ABCA1: variants seen among roughly 807,000 people sequenced by gnomAD.
ABCA1 encodes the protein ATP binding cassette subfamily A member 1, also known as phospholipid-transporting ATPase ABCA1.
A neutral mutation model predicts 262.5 loss-of-function variants in ABCA1; 133 were observed. That is an observed-to-expected ratio of 0.51 (90% CI 0.44 to 0.59). The LOEUF (loss-of-function observed/expected upper bound fraction) is 0.59, where lower values mean the gene tolerates loss of function less well. Among genes scored for constraint, ABCA1 ranks in the 20% least tolerant of loss-of-function variants. ABCA1 has a pLI of 0.00. For synonymous variants in ABCA1, 1,022 were observed against 1,043.5 expected, an observed-to-expected ratio of 0.98 and a Z score of 0.40; for missense variants, 2,452 against 2,777.5, an observed-to-expected ratio of 0.88 and a Z score of 2.63.
chr9:104,799,554 A>G, intron 36 of ABCA1: 2 of 983,002 alleles, frequency 2.0e-6, no homozygotes, highest in Non-Finnish European at 2.4e-6. Context: ...TAATTTAATT[A>G]ACAATTTTTG....
At chr9:104,787,814 G>A (rs1829055798) in intron 46 of ABCA1, 106 bp downstream of exon 46, 1 of 1,610,722 alleles carries the variant, frequency 6.2e-7, no homozygotes, top group African/African-American at 1.3e-5. Context: ...TGTCCCTGGG[G>A]GAAGACAAGC....
intron 1 of ABCA1, among the ~76,000 whole-genome samples, chr9:104,920,279 A>G (rs975959029): frequency 5.3e-5 from 8 of 152,212 alleles, no homozygotes; most frequent in Non-Finnish European, 1.0e-4. Context: ...GAAGTCAACA[A>G]TCTCTTCCCC....
In ABCA1 at chr9:104,916,554, G is replaced by A. The variant is rs75684347; in HGVS notation, c.-93+11381C>T. Among the ~76,000 whole-genome samples the A allele has an allele frequency of 3.6e-3, 555 of 152,250 alleles. 2 individuals carry two copies. Among genetic ancestry groups the A allele is most frequent in the African/African-American group, 0.013 (526 of 41,536 alleles). ...CACTGTAATAGTTATCCTAAATTCT[G>A]GTATAGTATGAAGAAGCCTGGATTA... On this transcript the variant is annotated intron_variant, in intron 1 of 49. Coordinates refer to ENST00000374736, the MANE Select transcript of ABCA1 (RefSeq NM_005502.4).
intron 11 of ABCA1, among the ~76,000 whole-genome samples, chr9:104,833,746 A>G (rs1039552602): frequency 4.6e-5 from 7 of 152,196 alleles, no homozygotes; most frequent in Non-Finnish European, 1.0e-4. Flanking sequence ...CTAAAGTACA[A>G]TCTTTTCCAA....
chr9:104,857,070 C>T (rs1835898942), intron 7 of ABCA1, among the ~76,000 whole-genome samples: 2 of 152,050 alleles, frequency 1.3e-5, no homozygotes, highest in Admixed American at 6.5e-5. Flanking sequence ...TTTGGGAGGC[C>T]GAGGTGGGCA....
chr9:104,799,887 G>C lies in ABCA1; in HGVS notation c.4875C>G (p.Ser1625Arg). Residue 1625 changes from serine to arginine, a missense_variant, in exon 36 of 50, where the codon AGC becomes AGG. Physicochemically the swap from Ser to Arg is moderately radical, Grantham distance 110. Around this residue, in one of 4 missense-constraint regions of ABCA1, gnomAD observed 752 missense variants for 944.5 expected, o/e 0.80. Coordinates refer to ENST00000374736, the MANE Select transcript of ABCA1 (RefSeq NM_005502.4). ...GATTGAAAGCAGTAATTCCATAATGGCTAGGGTTCTCTCCCTTTTGCAGGT... is the reference window on the plus strand; with the variant it reads ...GATTGAAAGCAGTAATTCCATAATGCCTAGGGTTCTCTCCCTTTTGCAGGT... ...RANLQKGENP[S>R]HYGITAFNHP... 1 of 1,614,140 alleles carries C rather than the reference G, an allele frequency of 6.2e-7. No homozygotes were observed. The highest frequency in any genetic ancestry group is 1.3e-5 in the African/African-American group (1 of 75,028).
intron 1 of ABCA1, among the ~76,000 whole-genome samples, chr9:104,926,154 T>G (rs964984122): frequency 2.0e-5 from 3 of 152,182 alleles, no homozygotes; most frequent in Non-Finnish European, 2.9e-5. Flanking sequence ...AGAAGGTTTT[T>G]TTAAATATGA....
chr9:104,924,311 TA>T, intron 1 of ABCA1, among the ~76,000 whole-genome samples: 1 of 151,860 alleles, frequency 6.6e-6, no homozygotes, highest in East Asian at 1.9e-4. Flanking sequence ...TCTGGATACT[TA>T]AAAAAATGTA....
intron 2 of ABCA1, among the ~76,000 whole-genome samples, chr9:104,895,109 T>C (rs1840081021): frequency 6.6e-6 from 1 of 152,206 alleles, no homozygotes; most frequent in Non-Finnish European, 1.5e-5. Context: ...CCTTTACCAT[T>C]ATAAATTCCT....
intron 5 of ABCA1, among the ~76,000 whole-genome samples, chr9:104,879,366 G>A (rs1838432380): frequency 6.6e-6 from 1 of 152,148 alleles, no homozygotes; most frequent in South Asian, 2.1e-4. Context: ...AGGAAAAAAG[G>A]GTCTACAGGG....
chr9:104,808,174 A>T (rs1317883889), intron 30 of ABCA1, among the ~76,000 whole-genome samples: 1 of 152,166 alleles, frequency 6.6e-6, no homozygotes, highest in African/African-American at 2.4e-5. Flanking sequence ...GTAAGGATAA[A>T]GGCTCTTCCT....
intron 18 of ABCA1, among the ~76,000 whole-genome samples, chr9:104,824,175 G>A (rs1236227207): frequency 5.9e-5 from 9 of 152,318 alleles, no homozygotes; most frequent in Middle Eastern, 3.4e-3. Flanking sequence ...AGCTTGTTAG[G>A]AGACCATGAA....
At chr9:104,862,059 CACACACACACACACACAT>C (rs1564196505) in intron 5 of ABCA1, among the ~76,000 whole-genome samples, 2 of 149,078 alleles carry the variant, frequency 1.3e-5, no homozygotes, top group East Asian at 2.2e-4. Context: ...TACACACACA[CACACACACACACACACAT>C]ACACACACAC....
At position 104,855,744 on chromosome 9, in the gene ABCA1, T is replaced by C. The variant is rs749272493; in HGVS notation, c.720+2778A>G. 2.6e-6 allele frequency: 4 copies of C among 1,548,652 alleles called. No homozygotes were observed. The Admixed American group carries it at 5.9e-5, about 23-fold the overall frequency. On this transcript the variant is annotated intron_variant, in intron 7 of 49. Coordinates refer to ENST00000374736, the MANE Select transcript of ABCA1 (RefSeq NM_005502.4). The stretch of plus-strand genomic sequence containing the variant: ...ATCCGACATCAATGCTGGTAAAATA[T>C]TCAAATGCAATATTCAAACCCAGAC...
chr9:104,861,567 C>T (rs541053390), intron 6 of ABCA1, 112 bp downstream of exon 6: 232 of 1,439,040 alleles, frequency 1.6e-4, no homozygotes, highest in Non-Finnish European at 2.2e-4. Context: ...TTCAAACTAC[C>T]TCCCTCCCCT....
chr9:104,830,896 T>C, intron 14 of ABCA1, 29 bp downstream of exon 14: 1 of 1,612,868 alleles, frequency 6.2e-7, no homozygotes, highest in Non-Finnish European at 8.5e-7. Context: ...TATAAACTGG[T>C]TAAAAACAGT....
intron 7 of ABCA1, among the ~76,000 whole-genome samples, chr9:104,851,250 G>A (rs946326524): frequency 9.2e-5 from 14 of 152,058 alleles, no homozygotes; most frequent in African/African-American, 3.1e-4. Flanking sequence ...GCTCTGTTTC[G>A]TATTCACCTC....
intron 31 of ABCA1, among the ~76,000 whole-genome samples, chr9:104,805,062 A>G (rs980714235): frequency 2.0e-5 from 3 of 152,120 alleles, no homozygotes; most frequent in Non-Finnish European, 4.4e-5. Context: ...TGATGACTAG[A>G]TTAGCTGTTA....
intron 30 of ABCA1, among the ~76,000 whole-genome samples, chr9:104,808,286 C>T (rs979110343): frequency 6.6e-6 from 1 of 152,156 alleles, no homozygotes; most frequent in Non-Finnish European, 1.5e-5. Context: ...TGGCTCTCAG[C>T]CCAGTTCTGG....
Sources: allele counts gnomAD v4.1 joint callset (sites outside exome capture counted in the v4.1 genomes callset), GRCh38; gene constraint gnomAD v4.1.1; regional missense constraint gnomAD v4.1.1; transcripts MANE v1.5; gene names NCBI Gene and HGNC (gene_info 2026-07-23, HGNC 2026-07-21).